Variants in STX7 observed in about 807,000 individuals in gnomAD.
STX7 encodes the protein syntaxin 7, also known as syntaxin-7.
Under a neutral mutation model 39.6 loss-of-function variants are expected in STX7, and 34 were observed. The ratio of observed to expected loss-of-function variants is 0.86; its 90% CI spans 0.65 to 1.14. The LOEUF (loss-of-function observed/expected upper bound fraction) is 1.14, where lower values mean the gene tolerates loss of function less well. STX7 is among the 50% of genes most tolerant of loss of function. The probability of loss-of-function intolerance (pLI) is 0.00; values close to 1 mark genes in which losing one functional copy is unlikely to be tolerated. For synonymous variants in STX7, 119 were observed against 99.1 expected, an observed-to-expected ratio of 1.20 and a Z score of -1.19; for missense variants, 284 against 310.4, an observed-to-expected ratio of 0.92 and a Z score of 0.64.
rs1446136897 is a variant in STX7 at position 132,513,046 on chromosome 6, T to A, written c.-98A>T. The A allele has an allele frequency of 6.6e-6, 1 of 152,264 alleles. No homozygotes were observed. Among genetic ancestry groups the A allele is most frequent in the Non-Finnish European group, 1.5e-5 (1 of 68,078 alleles). The allele number at this position is 152,264 out of a possible 1,614,324, so 9.4% of individuals were successfully genotyped here. ...CTCCCTCCTACACCTCCGACCGCCG[T>A]CACCCACCTACCCCGGAGCCCTCAG... is the stretch of plus-strand genomic sequence containing the variant. On this transcript the variant is annotated 5_prime_UTR_variant, in exon 1 of 10. Transcript: ENST00000367941.
chr6:132,506,414 A>G (rs1285083259), intron 1 of STX7, among the ~76,000 whole-genome samples: 1 of 152,170 alleles, frequency 6.6e-6, no homozygotes, highest in African/African-American at 2.4e-5. Flanking sequence ...AACCCCACAA[A>G]TAACCCCATT....
chr6:132,471,426 C>A (rs756678037), intron 5 of STX7, 37 bp downstream of exon 5: 41 of 1,593,634 alleles, frequency 2.6e-5, no homozygotes, highest in Non-Finnish European at 3.5e-5. Context: ...TAGCAAGTAA[C>A]CATGTTCATT....
chr6:132,473,520 G>GTTTTTTTTTTT (rs398066285), intron 3 of STX7, among the ~76,000 whole-genome samples: 1 of 136,288 alleles, frequency 7.3e-6, no homozygotes, highest in Non-Finnish European at 1.6e-5. Context: ...TTATTGTGTT[G>GTTTTTTTTTTT]TTTTTTTTTT....
intron 1 of STX7, among the ~76,000 whole-genome samples, chr6:132,511,151 T>C (rs1167075496): frequency 6.6e-6 from 1 of 152,156 alleles, no homozygotes. Flanking sequence ...TAACAAACAT[T>C]TGTAGAATGA....
At position 132,483,629 on chromosome 6, in the gene STX7, T is replaced by G. The variant is rs1301801926; in HGVS notation, c.86-7967A>C. Among the ~76,000 whole-genome samples the G allele has an allele frequency of 2.0e-5, 3 of 152,338 alleles. 1 individual carries two copies. The East Asian group carries it at 5.8e-4, about 29-fold the overall frequency. ...GTTTTGGATGAGCATTTTTATAGCA[T>G]ATTTGCTGCAAAAATATTGTTAGCA... On this transcript the variant is annotated intron_variant, in intron 2 of 9. Transcript: ENST00000367941.
At chr6:132,497,876 A>C (rs1279732185) in intron 2 of STX7, among the ~76,000 whole-genome samples, 2 of 152,356 alleles carry the variant, frequency 1.3e-5, no homozygotes, top group Middle Eastern at 6.8e-3. Context: ...GTCACTTTTG[A>C]ACATCTCAAT....
At chr6:132,510,251 CAAAG>C (rs879483813) in intron 1 of STX7, among the ~76,000 whole-genome samples, 7 of 152,126 alleles carry the variant, frequency 4.6e-5, no homozygotes, top group Non-Finnish European at 1.0e-4. Flanking sequence ...GCTCTTAACA[CAAAG>C]AAATGTTAAA....
intron 2 of STX7, among the ~76,000 whole-genome samples, chr6:132,494,463 T>C (rs1775373753): frequency 6.6e-6 from 1 of 152,020 alleles, no homozygotes; most frequent in Non-Finnish European, 1.5e-5. Flanking sequence ...AAAGAATGAC[T>C]GGAGGAAGCA....
rs1464696993 is a variant in STX7 at position 132,448,023 on chromosome 6, A to G, written c.*12735T>C. On this transcript the variant is annotated 3_prime_UTR_variant, in exon 10 of 10. Transcript: ENST00000367941. The stretch of plus-strand genomic sequence containing the variant: ...GGTTTGAAAGTTATATTGTATTGCT[A>G]TTCTTTAAAGGTTATCTGAAAATTT... 6.6e-6 allele frequency: 1 copy of G among 152,038 alleles called. No homozygotes were observed. The highest frequency in any genetic ancestry group is 2.4e-5 in the African/African-American group (1 of 41,400). 9.4% of individuals were successfully genotyped at this position (152,038 alleles called of 1,614,324 possible).
Position 132,481,633 on chromosome 6 carries a change from T to C in STX7, c.86-5971A>G, listed in dbSNP as rs894721763. ...AGCCTCTCAGAAAACAACCATTATGTTATTGCCTAATAGAATGCATTTAAC... is the reference window on the plus strand; with the variant it reads ...AGCCTCTCAGAAAACAACCATTATGCTATTGCCTAATAGAATGCATTTAAC... On this transcript the variant is annotated intron_variant, in intron 2 of 9. Transcript: ENST00000367941. Among the ~76,000 whole-genome samples, 105 of 152,140 alleles carry C rather than the reference T, an allele frequency of 6.9e-4. 1 individual carries two copies. Among genetic ancestry groups the C allele is most frequent in the Non-Finnish European group, 2.2e-4 (15 of 68,022 alleles).
At chr6:132,470,511 G>T in intron 6 of STX7, 63 bp downstream of exon 6, 2 of 1,179,998 alleles carry the variant, frequency 1.7e-6, no homozygotes, top group Non-Finnish European at 2.5e-6. Context: ...CTGTTCCAGG[G>T]ACCTTAATGT....
At chr6:132,485,364 T>C (rs1775108052) in intron 2 of STX7, among the ~76,000 whole-genome samples, 1 of 152,244 alleles carries the variant, frequency 6.6e-6, no homozygotes, top group East Asian at 1.9e-4. Flanking sequence ...GCTGTGTATA[T>C]CAATAGTGCA....
rs755820982 is a variant in STX7, at chr6:132,471,531, C to A, written c.319G>T (p.Val107Phe). 1.5e-5 allele frequency: 25 copies of A among 1,613,946 alleles called. No homozygotes were observed. The highest frequency in any genetic ancestry group is 1.9e-5 in the Non-Finnish European group (22 of 1,179,954). Residue 107 changes from valine (V) to phenylalanine (F), a missense_variant, in exon 5 of 10, where the codon GTC becomes TTC. Val to Phe is a conservative substitution (Grantham distance 50). Transcript: ENST00000367941. ...FTTSLTNFQKVQRQAAEREKE... is the reference protein window; with the variant it reads ...FTTSLTNFQKFQRQAAEREKE... ...TCTCGCTCAGCAGCCTGCCTCTGGA[C>A]CTTCTGGAAGTTTGTCAGTGATGTT...
chr6:132,470,298 G>A (rs748554972), intron 6 of STX7, among the ~76,000 whole-genome samples: 8 of 151,986 alleles, frequency 5.3e-5, no homozygotes, highest in Non-Finnish European at 1.2e-4. Flanking sequence ...TCTGTCAACT[G>A]GGTATTTCTT....
At chr6:132,503,312 C>T (rs761438157) in intron 2 of STX7, 134 bp downstream of exon 2, 13 of 661,904 alleles carry the variant, frequency 2.0e-5, no homozygotes, top group East Asian at 1.1e-4. Flanking sequence ...CTAAAGAGTT[C>T]GAGCCCTTTA....
chr6:132,485,875 T>G (rs982454337), intron 2 of STX7, among the ~76,000 whole-genome samples: 1 of 152,256 alleles, frequency 6.6e-6, no homozygotes, highest in African/African-American at 2.4e-5. Flanking sequence ...CCCAATTATA[T>G]AAGCTTTCTT....
At chr6:132,481,196 C>T (rs1775007897) in intron 2 of STX7, among the ~76,000 whole-genome samples, 1 of 152,208 alleles carries the variant, frequency 6.6e-6, no homozygotes, top group East Asian at 1.9e-4. Context: ...GGCGTGTTCA[C>T]TGTAGAAAAC....
intron 2 of STX7, among the ~76,000 whole-genome samples, chr6:132,493,352 G>A (rs996548446): frequency 6.6e-6 from 1 of 152,108 alleles, no homozygotes; most frequent in Non-Finnish European, 1.5e-5. Flanking sequence ...GTTTGGCTGT[G>A]TCCCCACCCA....
At chr6:132,504,525 T>C (rs761155235) in intron 1 of STX7, among the ~76,000 whole-genome samples, 5 of 152,178 alleles carry the variant, frequency 3.3e-5, no homozygotes, top group Admixed American at 6.5e-5. Context: ...CGCCACCCCA[T>C]CTTTTCCATG....
Sources: gnomAD v4.1 joint callset for allele counts (sites outside exome capture counted in the v4.1 genomes callset) on GRCh38, gnomAD v4.1.1 for gene constraint, MANE v1.5 for transcripts, NCBI Gene and HGNC (gene_info 2026-07-23, HGNC 2026-07-21) for gene names.